Variants in BICC1 observed in about 807,000 individuals in gnomAD.
BICC1 encodes protein bicaudal C homolog 1.
BICC1 carries 43 observed loss-of-function variants against 111.0 expected under a neutral mutation model. The observed-to-expected ratio is 0.39, with a 90% CI of 0.30 to 0.50. The LOEUF is 0.50. Ranked by LOEUF, BICC1 falls within the 20% of genes least tolerant of loss-of-function variation. The probability of loss-of-function intolerance (pLI) is 0.88; values close to 1 mark genes in which losing one functional copy is unlikely to be tolerated. For synonymous variants in BICC1, 467 were observed against 434.4 expected (o/e 1.07, Z -0.93); for missense variants, 1,091 against 1,203.2 (o/e 0.91, Z 1.38).
intron 2 of BICC1, among the ~76,000 whole-genome samples, chr10:58,638,929 T>A (rs1355172728): frequency 6.4e-5 from 9 of 140,800 alleles, no homozygotes; most frequent in Admixed American, 6.3e-4. Context: ...CCTCCCTCCC[T>A]CGTTTGCTTT....
chr10:58,544,386 T>C (rs1400559093), intron 1 of BICC1, among the ~76,000 whole-genome samples: 1 of 152,194 alleles, frequency 6.6e-6, no homozygotes, highest in Non-Finnish European at 1.5e-5. Flanking sequence ...AAAAGTAGAC[T>C]GTCATGGTTT....
At chr10:58,766,941 A>G (rs9415583) in intron 3 of BICC1, among the ~76,000 whole-genome samples, 21,571 of 151,738 alleles carry the variant, frequency 0.14, 2,035 homozygotes, top group Non-Finnish European at 0.22. Flanking sequence ...GAAAGTAGGG[A>G]AAGGTGGGGA....
chr10:58,736,462 C>G (rs1841471434), intron 3 of BICC1, among the ~76,000 whole-genome samples: 1 of 152,004 alleles, frequency 6.6e-6, no homozygotes, highest in Non-Finnish European at 1.5e-5. Flanking sequence ...TGCTGTTTTT[C>G]CTTGCACTTA....
At position 58,789,676 on chromosome 10, in the gene BICC1, T is replaced by C. The variant is rs752619753; in HGVS notation, c.796-6T>C. On this transcript the variant is annotated splice_region_variant and splice_polypyrimidine_tract_variant and intron_variant, in intron 7 of 20. Coordinates refer to ENST00000373886, the MANE Select transcript of BICC1 (RefSeq NM_001080512.3). ...GGATTATTTCTTTCCCACCCTTTTC[T>C]CTTAGGAAGGAACTGCCATGCTGTT... is the stretch of plus-strand genomic sequence containing the variant. 6.2e-7 allele frequency: 1 copy of C among 1,614,030 alleles called. No individual in the cohort carries two copies. The highest frequency in any genetic ancestry group is 2.2e-5 in the East Asian group (1 of 44,866).
At chr10:58,613,167 G>A (rs1461264751) in intron 1 of BICC1, among the ~76,000 whole-genome samples, 2 of 152,162 alleles carry the variant, frequency 1.3e-5, no homozygotes, top group Non-Finnish European at 2.9e-5. Flanking sequence ...CGTTTCAGTA[G>A]TATTGAAGTA....
At chr10:58,526,890 A>G (rs944528164) in intron 1 of BICC1, among the ~76,000 whole-genome samples, 1 of 152,214 alleles carries the variant, frequency 6.6e-6, no homozygotes, top group African/African-American at 2.4e-5. Flanking sequence ...ATAAACATAC[A>G]TGTGCATGTA....
rs1843456756 is a variant in BICC1, at chr10:58,799,170, G to A, written c.1643G>A (p.Gly548Asp). The A allele has an allele frequency of 6.2e-7, 1 of 1,613,772 alleles. No individual in the cohort carries two copies. The highest frequency in any genetic ancestry group is 1.3e-5 in the African/African-American group (1 of 75,000). Residue 548 changes from glycine to aspartate, a missense_variant, in exon 12 of 21, where the codon GGC becomes GAC. Gly to Asp is a moderately conservative substitution (Grantham distance 94). Coordinates refer to ENST00000373886, the MANE Select transcript of BICC1 (RefSeq NM_001080512.3). Reference sequence around the variant, plus strand: ...CACACAGCTCCATCTCCCCCTCCTGGCTTGACTCCTGTTGATGTCCATATC... The same window carrying A: ...CACACAGCTCCATCTCCCCCTCCTGACTTGACTCCTGTTGATGTCCATATC... ...YGHTAPSPPPGLTPVDVHINS... is the reference protein window; with the variant it reads ...YGHTAPSPPPDLTPVDVHINS...
At chr10:58,612,264 AGTGCAAG>A (rs1400135323) in intron 1 of BICC1, among the ~76,000 whole-genome samples, 1 of 152,218 alleles carries the variant, frequency 6.6e-6, no homozygotes, top group African/African-American at 2.4e-5. Context: ...GCCATTCCAA[AGTGCAAG>A]GTATAATTCA....
chr10:58,555,269 T>C (rs1368347677), intron 1 of BICC1, among the ~76,000 whole-genome samples: 1 of 151,740 alleles, frequency 6.6e-6, no homozygotes, highest in African/African-American at 2.4e-5. Context: ...ATGTCAGGTT[T>C]TTATTTTACA....
chr10:58,777,054 G>A (rs1842766932), intron 3 of BICC1, among the ~76,000 whole-genome samples: 1 of 151,400 alleles, frequency 6.6e-6, no homozygotes, highest in Admixed American at 6.6e-5. Flanking sequence ...TATAAGATAA[G>A]GTAGTTTATC....
At chr10:58,724,199 A>G (rs760197957) in intron 3 of BICC1, among the ~76,000 whole-genome samples, 8 of 152,204 alleles carry the variant, frequency 5.3e-5, no homozygotes, top group African/African-American at 1.9e-4. Flanking sequence ...GAATTACATC[A>G]TAGGTTGAAA....
intron 3 of BICC1, among the ~76,000 whole-genome samples, chr10:58,732,318 G>GGA (rs1337371228): frequency 7.0e-6 from 1 of 143,348 alleles, no homozygotes; most frequent in African/African-American, 2.6e-5. Flanking sequence ...GAGGAGAAGA[G>GGA]GAGAGAGAGA....
At chr10:58,641,728 T>C (rs185569127) in intron 2 of BICC1, among the ~76,000 whole-genome samples, 25 of 152,336 alleles carry the variant, frequency 1.6e-4, no homozygotes, top group Admixed American at 7.8e-4. Flanking sequence ...AATGTGGTTA[T>C]ATAGATAAAA....
intron 14 of BICC1, 86 bp downstream of exon 14, chr10:58,801,132 C>G (rs1843534435): frequency 1.7e-6 from 2 of 1,208,150 alleles, no homozygotes; most frequent in East Asian, 3.0e-5. Flanking sequence ...CTCTTTGATT[C>G]AAGTCATGTT....
At chr10:58,704,010 A>T (rs1310206420) in intron 3 of BICC1, among the ~76,000 whole-genome samples, 1 of 152,214 alleles carries the variant, frequency 6.6e-6, no homozygotes, top group Admixed American at 6.5e-5. Context: ...TGGTGGCAAC[A>T]TTAGACATTT....
At chr10:58,783,342 G>A (rs975616816) in intron 3 of BICC1, among the ~76,000 whole-genome samples, 1 of 152,042 alleles carries the variant, frequency 6.6e-6, no homozygotes, top group Non-Finnish European at 1.5e-5. Context: ...CCTAGCAGTG[G>A]GTAGCTTTAA....
At chr10:58,607,341 T>TAAATAAAG in intron 1 of BICC1, among the ~76,000 whole-genome samples, 1 of 151,710 alleles carries the variant, frequency 6.6e-6, no homozygotes, top group South Asian at 2.1e-4. Context: ...AATAAATAAA[T>TAAATAAAG]AAAACTGTCA....
intron 3 of BICC1, among the ~76,000 whole-genome samples, chr10:58,769,305 C>T (rs1424189495): frequency 6.8e-6 from 1 of 146,992 alleles, no homozygotes; most frequent in Non-Finnish European, 1.5e-5. Context: ...CACACACACA[C>T]ACATGCACAC....
intron 2 of BICC1, among the ~76,000 whole-genome samples, chr10:58,643,158 A>G (rs557069576): frequency 1.3e-5 from 2 of 152,170 alleles, no homozygotes; most frequent in African/African-American, 4.8e-5. Context: ...CAGCTTAAAA[A>G]CTGGGGAATT....
Sources: allele counts gnomAD v4.1 joint callset (sites outside exome capture counted in the v4.1 genomes callset), GRCh38; gene constraint gnomAD v4.1.1; transcripts MANE v1.5; gene names NCBI Gene and HGNC (gene_info 2026-07-23, HGNC 2026-07-21).